The following CAB39 variants were observed in gnomAD, a reference collection of about 807,000 sequenced individuals.
CAB39 encodes the protein calcium-binding protein 39.
Under a neutral mutation model 40.0 loss-of-function variants are expected in CAB39, and 8 were observed. The ratio of observed to expected loss-of-function variants is 0.20; its 90% CI spans 0.12 to 0.36. The LOEUF (loss-of-function observed/expected upper bound fraction) is 0.36, where lower values mean the gene tolerates loss of function less well. Among genes scored for constraint, CAB39 ranks in the 10% least tolerant of loss-of-function variants. The probability of loss-of-function intolerance (pLI) is 1.00; values close to 1 mark genes in which losing one functional copy is unlikely to be tolerated. For synonymous variants in CAB39, 156 were observed against 141.6 expected, an observed-to-expected ratio of 1.10 and a Z score of -0.72; for missense variants, 270 against 401.1, an observed-to-expected ratio of 0.67 and a Z score of 2.79.
chr2:230,753,844 T>A (rs966620895), intron 1 of CAB39, among the ~76,000 whole-genome samples: 1 of 152,210 alleles, frequency 6.6e-6, no homozygotes, highest in African/African-American at 2.4e-5. Context: ...CTATTTCTGT[T>A]CATTTTCTTC....
chr2:230,736,107 G>C (rs891310150), intron 1 of CAB39, among the ~76,000 whole-genome samples: 1 of 152,122 alleles, frequency 6.6e-6, no homozygotes, highest in African/African-American at 2.4e-5. Flanking sequence ...CTCCTCTTTT[G>C]CTGCACATTG....
At chr2:230,763,667 AT>A (rs1695333833) in intron 2 of CAB39, among the ~76,000 whole-genome samples, 1 of 152,178 alleles carries the variant, frequency 6.6e-6, no homozygotes, top group South Asian at 2.1e-4. Context: ...CAGTATTTTA[AT>A]AGCCTTTCAG....
At chr2:230,718,055 T>C (rs1694382583) in intron 1 of CAB39, among the ~76,000 whole-genome samples, 2 of 152,208 alleles carry the variant, frequency 1.3e-5, no homozygotes, top group African/African-American at 4.8e-5. Flanking sequence ...CTTGTTTATG[T>C]GTGTATTCAT....
At chr2:230,741,548 C>T (rs893768565) in intron 1 of CAB39, among the ~76,000 whole-genome samples, 2 of 151,890 alleles carry the variant, frequency 1.3e-5, no homozygotes, top group African/African-American at 4.8e-5. Context: ...CTTTTTTTGC[C>T]TAGGCTGGTC....
chr2:230,715,673 C>T (rs1250157063), intron 1 of CAB39, among the ~76,000 whole-genome samples: 2 of 152,184 alleles, frequency 1.3e-5, no homozygotes, highest in South Asian at 2.1e-4. Context: ...TGGTTTGCTA[C>T]TATAACAAAT....
intron 1 of CAB39, among the ~76,000 whole-genome samples, chr2:230,736,770 A>AG (rs1694794512): frequency 1.3e-5 from 2 of 152,212 alleles, no homozygotes; most frequent in Non-Finnish European, 2.9e-5. Context: ...TGTAAAAATG[A>AG]AGTACCTGAG....
At chr2:230,728,005 G>A (rs939838025) in intron 1 of CAB39, among the ~76,000 whole-genome samples, 31 of 152,102 alleles carry the variant, frequency 2.0e-4, no homozygotes, top group African/African-American at 6.3e-4. Flanking sequence ...TTGGGAGGCC[G>A]AGGCAGGAAG....
chr2:230,805,770 A>G (rs1458848948), intron 5 of CAB39, among the ~76,000 whole-genome samples: 2 of 152,250 alleles, frequency 1.3e-5, no homozygotes, highest in African/African-American at 4.8e-5. Context: ...GAGTTTCAGT[A>G]TAGTAATTCA....
chr2:230,787,606 C>T (rs1695815634), intron 2 of CAB39, among the ~76,000 whole-genome samples: 1 of 152,222 alleles, frequency 6.6e-6, no homozygotes, highest in African/African-American at 2.4e-5. Flanking sequence ...TGTAAGCTCT[C>T]TCTGACTCAA....
intron 2 of CAB39, among the ~76,000 whole-genome samples, chr2:230,778,459 C>G (rs904634147): frequency 3.3e-5 from 5 of 152,104 alleles, no homozygotes. Context: ...CAGCAATTGC[C>G]TCTAGTGACA....
At chr2:230,730,964 T>C (rs944063433) in intron 1 of CAB39, among the ~76,000 whole-genome samples, 11 of 152,228 alleles carry the variant, frequency 7.2e-5, no homozygotes, top group African/African-American at 2.7e-4. Context: ...CTAGGCATTT[T>C]ATTCATGTTA....
chr2:230,765,113 A>C (rs1380406352), intron 2 of CAB39, among the ~76,000 whole-genome samples: 3 of 152,114 alleles, frequency 2.0e-5, no homozygotes, highest in Non-Finnish European at 4.4e-5. Context: ...CAGCCTCCCA[A>C]GTAGCTGGGA....
At chr2:230,760,464 C>T (rs1455227120) in intron 2 of CAB39, among the ~76,000 whole-genome samples, 2 of 152,100 alleles carry the variant, frequency 1.3e-5, no homozygotes, top group Non-Finnish European at 2.9e-5. Context: ...GCGATCTTTC[C>T]GCCTCTGCCT....
intron 1 of CAB39, among the ~76,000 whole-genome samples, chr2:230,724,255 AAAAAG>A (rs1482620943): frequency 7.4e-4 from 113 of 152,146 alleles, no homozygotes; most frequent in African/African-American, 2.6e-3. Flanking sequence ...AAAAAAAAAA[AAAAAG>A]AAGATAGCAT....
Position 230,818,997 on chromosome 2 carries a change from A to G in CAB39, c.*293A>G. ...TCATGAAGGCAAATGTATGGATGAG[A>G]GTGTGGTTTAGGAAAGAGGGCACTG... On this transcript the variant is annotated 3_prime_UTR_variant, in exon 9 of 9. Coordinates refer to ENST00000258418, the MANE Select transcript of CAB39 (RefSeq NM_016289.4). The G allele has an allele frequency of 1.0e-5, 3 of 293,972 alleles. No homozygotes were observed. The highest frequency in any genetic ancestry group is 3.6e-5 in the South Asian group (1 of 27,706). 18.2% of individuals were successfully genotyped at this position (293,972 alleles called of 1,614,324 possible).
chr2:230,789,946 T>C (rs1695865033), intron 2 of CAB39, among the ~76,000 whole-genome samples: 1 of 152,154 alleles, frequency 6.6e-6, no homozygotes, highest in Admixed American at 6.5e-5. Context: ...TTCAAAGTCA[T>C]TGTTTTGGCC....
intron 1 of CAB39, among the ~76,000 whole-genome samples, chr2:230,734,996 T>G (rs1274265852): frequency 6.6e-6 from 1 of 152,182 alleles, no homozygotes; most frequent in Non-Finnish European, 1.5e-5. Context: ...ACTTGTTGAT[T>G]GGGTAGCATT....
At chr2:230,791,183 C>G (rs548328634) in intron 3 of CAB39, 147 bp downstream of exon 3, 1 of 595,554 alleles carries the variant, frequency 1.7e-6, no homozygotes, top group African/African-American at 1.9e-5. Flanking sequence ...GGCTGCCTGC[C>G]TGATTAGCAG....
chr2:230,797,755 A>G (rs1375251785), intron 4 of CAB39, among the ~76,000 whole-genome samples: 1 of 142,774 alleles, frequency 7.0e-6, no homozygotes, highest in Non-Finnish European at 1.5e-5. Flanking sequence ...AAATGGGAAC[A>G]GTCAGAGAGA....
Sources: gnomAD v4.1 joint callset for allele counts (sites outside exome capture counted in the v4.1 genomes callset) on GRCh38, gnomAD v4.1.1 for gene constraint, MANE v1.5 for transcripts, NCBI Gene and HGNC (gene_info 2026-07-23, HGNC 2026-07-21) for gene names.